Variants in TBL1XR1 observed in about 807,000 individuals in gnomAD.
TBL1XR1 encodes the protein F-box-like/WD repeat-containing protein TBL1XR1.
TBL1XR1 carries 5 observed loss-of-function variants against 66.9 expected under a neutral mutation model. That is an observed-to-expected ratio of 0.07 (90% CI 0.04 to 0.16). TBL1XR1 has a LOEUF of 0.16. TBL1XR1 is among the 10% of genes least tolerant of loss of function. The pLI is 1.00. For synonymous variants in TBL1XR1, 210 were observed against 206.0 expected (o/e 1.02, Z -0.17); for missense variants, 238 against 623.2 (o/e 0.38, Z 6.58).
chr3:177,026,624 A>G, intron 14 of TBL1XR1, 150 bp from the exon 15 acceptor site: 1 of 574,638 alleles, frequency 1.7e-6, no homozygotes. Flanking sequence ...AATTCTAGAA[A>G]TGTAATATGA....
chr3:177,130,293 C>T (rs1041053606), intron 1 of TBL1XR1, among the ~76,000 whole-genome samples: 1 of 152,080 alleles, frequency 6.6e-6, no homozygotes, highest in Non-Finnish European at 1.5e-5. Context: ...TTATTCATTG[C>T]TGCATTATAA....
At chr3:177,164,293 G>GC (rs1732566405) in intron 1 of TBL1XR1, among the ~76,000 whole-genome samples, 1 of 151,560 alleles carries the variant, frequency 6.6e-6, no homozygotes. Flanking sequence ...CCTTCAAATG[G>GC]CCCCTAAATT....
intron 1 of TBL1XR1, among the ~76,000 whole-genome samples, chr3:177,177,476 ATTAAC>A (rs1412535333): frequency 6.6e-6 from 1 of 152,138 alleles, no homozygotes; most frequent in African/African-American, 2.4e-5. Flanking sequence ...AAAATAAAAC[ATTAAC>A]TTCTCATTTA....
At chr3:177,155,808 G>A (rs1731421388) in intron 1 of TBL1XR1, among the ~76,000 whole-genome samples, 1 of 152,088 alleles carries the variant, frequency 6.6e-6, no homozygotes, top group Non-Finnish European at 1.5e-5. Flanking sequence ...TCAGGAGTTC[G>A]AGACCAGCCT....
chr3:177,162,887 G>A (rs994934334), intron 1 of TBL1XR1, among the ~76,000 whole-genome samples: 3 of 152,164 alleles, frequency 2.0e-5, no homozygotes, highest in African/African-American at 7.2e-5. Context: ...TTATCAAAGA[G>A]CAAAACATTT....
intron 1 of TBL1XR1, among the ~76,000 whole-genome samples, chr3:177,151,604 T>G (rs920581631): frequency 6.6e-6 from 1 of 152,156 alleles, no homozygotes; most frequent in Non-Finnish European, 1.5e-5. Context: ...GCCAAAAAGG[T>G]TGGGGACCAC....
rs2108483644 is a variant in TBL1XR1, at chr3:177,048,241, T to C, written c.703-692A>G. On this transcript the variant is annotated intron_variant, in intron 7 of 15. Coordinates refer to ENST00000457928, the MANE Select transcript of TBL1XR1 (RefSeq NM_024665.7). ...TTTCTCTCAACTTATATTCCCTTGC[T>C]GTGCACCTTGCCTCGATGAATTGTG... Among the ~76,000 whole-genome samples the C allele has an allele frequency of 1.3e-5, 2 of 152,336 alleles. 1 individual carries two copies. The highest frequency in any genetic ancestry group is 6.8e-3 in the Middle Eastern group (2 of 294).
intron 1 of TBL1XR1, among the ~76,000 whole-genome samples, chr3:177,149,731 A>G (rs1730665825): frequency 6.6e-6 from 1 of 152,064 alleles, no homozygotes; most frequent in Non-Finnish European, 1.5e-5. Context: ...CCGGAGGGGG[A>G]CACAACGCGA....
At chr3:177,115,445 G>A (rs980285132) in intron 1 of TBL1XR1, among the ~76,000 whole-genome samples, 1 of 152,082 alleles carries the variant, frequency 6.6e-6, no homozygotes, top group African/African-American at 2.4e-5. Flanking sequence ...CATTATCATA[G>A]TCATATTGTG....
At chr3:177,120,460 C>T (rs1560198162) in intron 1 of TBL1XR1, among the ~76,000 whole-genome samples, 1 of 152,184 alleles carries the variant, frequency 6.6e-6, no homozygotes, top group African/African-American at 2.4e-5. Context: ...CCTTCAAACT[C>T]TAATTCCCAA....
chr3:177,124,131 A>G (rs2108764986), intron 1 of TBL1XR1, among the ~76,000 whole-genome samples: 1 of 152,202 alleles, frequency 6.6e-6, no homozygotes, highest in Non-Finnish European at 1.5e-5. Flanking sequence ...AGGGTAAGGC[A>G]TAATAACATT....
intron 4 of TBL1XR1, among the ~76,000 whole-genome samples, chr3:177,053,131 A>G (rs1262180755): frequency 6.6e-6 from 1 of 152,146 alleles, no homozygotes; most frequent in Non-Finnish European, 1.5e-5. Flanking sequence ...AAAAAACAAA[A>G]ACAACATTTT....
At chr3:177,119,394 T>C (rs1193423143) in intron 1 of TBL1XR1, among the ~76,000 whole-genome samples, 1 of 152,222 alleles carries the variant, frequency 6.6e-6, no homozygotes, top group Non-Finnish European at 1.5e-5. Flanking sequence ...GTCCCATCTC[T>C]TTTATTTTTC....
chr3:177,035,001 T>C (rs566229327), intron 12 of TBL1XR1, among the ~76,000 whole-genome samples: 2 of 151,970 alleles, frequency 1.3e-5, no homozygotes, highest in African/African-American at 4.8e-5. Flanking sequence ...CCTTAACACA[T>C]ACACATACAA....
chr3:177,071,048 T>TTTTTTTTTTTTA (rs1719931112), intron 2 of TBL1XR1, among the ~76,000 whole-genome samples: 2 of 144,200 alleles, frequency 1.4e-5, no homozygotes, highest in African/African-American at 5.1e-5. Flanking sequence ...TTTTTTTTTT[T>TTTTTTTTTTTTA]GAGACAGAGT....
chr3:177,169,788 G>A (rs553095762), intron 1 of TBL1XR1, among the ~76,000 whole-genome samples: 4 of 152,178 alleles, frequency 2.6e-5, no homozygotes, highest in African/African-American at 4.8e-5. Flanking sequence ...AAGGAGCACT[G>A]CCAACAAAAA....
chr3:177,191,108 C>T (rs900760803), intron 1 of TBL1XR1, among the ~76,000 whole-genome samples: 2 of 152,064 alleles, frequency 1.3e-5, no homozygotes, highest in Non-Finnish European at 2.9e-5. Flanking sequence ...TTTGAGAGGC[C>T]GGCAAGAATC....
At chr3:177,163,639 G>A (rs930605686) in intron 1 of TBL1XR1, among the ~76,000 whole-genome samples, 5 of 152,152 alleles carry the variant, frequency 3.3e-5, no homozygotes, top group African/African-American at 7.2e-5. Context: ...GGGAGAGGGT[G>A]TAAAGTATAC....
chr3:177,200,307 G>A (rs1259321267), upstream of TBL1XR1, among the ~76,000 whole-genome samples: 1 of 152,104 alleles, frequency 6.6e-6, no homozygotes, highest in Non-Finnish European at 1.5e-5. Context: ...ACAAAAATAG[G>A]GGCACCCAAA....
Sources: allele counts gnomAD v4.1 joint callset (sites outside exome capture counted in the v4.1 genomes callset), GRCh38; gene constraint gnomAD v4.1.1; transcripts MANE v1.5; gene names NCBI Gene and HGNC (gene_info 2026-07-23, HGNC 2026-07-21).